Variants in NRG3 observed in about 807,000 individuals in gnomAD.
NRG3 encodes pro-neuregulin-3, membrane-bound isoform.
Under a neutral mutation model 66.9 loss-of-function variants are expected in NRG3, and 31 were observed. The observed-to-expected ratio is 0.46, with a 90% CI of 0.35 to 0.63. NRG3 has a LOEUF of 0.63. NRG3 is among the 20% of genes least tolerant of loss of function. The probability of loss-of-function intolerance (pLI) is 0.00; values close to 1 mark genes in which losing one functional copy is unlikely to be tolerated. For missense variants in NRG3, 910 were observed against 878.9 expected (o/e 1.04, Z -0.45); for synonymous variants, 393 against 359.4 (o/e 1.09, Z -1.06).
At chr10:81,920,131 A>G (rs1250932310) in intron 1 of NRG3, among the ~76,000 whole-genome samples, 2 of 152,140 alleles carry the variant, frequency 1.3e-5, no homozygotes, top group Admixed American at 1.3e-4. Flanking sequence ...GGATGACACT[A>G]TGAGAAAGGG....
chr10:82,345,025 C>G (rs2082918449), intron 1 of NRG3, among the ~76,000 whole-genome samples: 1 of 116,522 alleles, frequency 8.6e-6, no homozygotes, highest in South Asian at 2.4e-4. Flanking sequence ...CCTGTTCACT[C>G]TGATGGTAGT....
intron 4 of NRG3, among the ~76,000 whole-genome samples, chr10:82,936,997 A>G (rs1254146618): frequency 2.6e-5 from 4 of 152,180 alleles, no homozygotes; most frequent in African/African-American, 4.8e-5. Context: ...AAAAGAGATT[A>G]TATATTTATT....
chr10:82,015,382 T>C (rs926839914), intron 1 of NRG3, among the ~76,000 whole-genome samples: 4 of 152,138 alleles, frequency 2.6e-5, no homozygotes, highest in African/African-American at 9.7e-5. Flanking sequence ...AATAATACTG[T>C]TTGCAATCAA....
intron 1 of NRG3, among the ~76,000 whole-genome samples, chr10:82,349,939 C>T (rs1278695818): frequency 6.6e-6 from 1 of 152,184 alleles, no homozygotes; most frequent in Non-Finnish European, 1.5e-5. Context: ...ACGGTGCGCG[C>T]ACCCACTGAC....
intron 1 of NRG3, among the ~76,000 whole-genome samples, chr10:82,034,925 C>A (rs986665484): frequency 1.3e-5 from 2 of 152,074 alleles, no homozygotes; most frequent in African/African-American, 2.4e-5. Flanking sequence ...TTCTATACTT[C>A]TTTTCTCAGA....
intron 3 of NRG3, among the ~76,000 whole-genome samples, chr10:82,748,059 T>C (rs776075063): frequency 1.3e-5 from 2 of 151,128 alleles, no homozygotes; most frequent in Non-Finnish European, 3.0e-5. Flanking sequence ...ATTAATTATA[T>C]AATATATAAT....
At chr10:82,961,820 C>T (rs1255348510) in intron 6 of NRG3, among the ~76,000 whole-genome samples, 1 of 152,154 alleles carries the variant, frequency 6.6e-6, no homozygotes, top group Admixed American at 6.5e-5. Flanking sequence ...AAGCTTCCCA[C>T]CGCAGGCATT....
intron 1 of NRG3, among the ~76,000 whole-genome samples, chr10:82,021,592 A>C (rs1351947061): frequency 6.6e-6 from 1 of 152,110 alleles, no homozygotes; most frequent in Non-Finnish European, 1.5e-5. Context: ...GTCTCACTTC[A>C]AATATAACTT....
chr10:82,260,868 A>G lies in NRG3; in HGVS notation c.824-97871A>G, dbSNP rs928955400. Reference sequence around the variant, plus strand: ...AAGGAGTTCTGTGAAGCAAGTGAGCAGAGAGGTCTGGAGTTGATAGGCTTG... The same window carrying G: ...AAGGAGTTCTGTGAAGCAAGTGAGCGGAGAGGTCTGGAGTTGATAGGCTTG... On this transcript the variant is annotated intron_variant, in intron 1 of 8. Transcript: ENST00000372141. Among the ~76,000 whole-genome samples the G allele has an allele frequency of 2.6e-5, 4 of 152,182 alleles. No individual in the cohort carries two copies. The East Asian group carries it at 7.7e-4, about 29-fold the overall frequency.
In NRG3 at chr10:82,802,464, G is replaced by A. The variant is rs1434392787; in HGVS notation, c.1028-62947G>A. Among the ~76,000 whole-genome samples, 3 of 152,228 alleles carry A rather than the reference G, an allele frequency of 2.0e-5. No homozygotes were observed. In the East Asian group the frequency reaches 5.8e-4, roughly 29 times the overall value. ...AGCTCAGGTTTAATGGACTAAAACT[G>A]AGAAACTAAAAATTACAGCAACTGC... On this transcript the variant is annotated intron_variant, in intron 3 of 8. Transcript: ENST00000372141.
chr10:82,272,146 G>C (rs894281042), intron 1 of NRG3, among the ~76,000 whole-genome samples: 5 of 151,974 alleles, frequency 3.3e-5, no homozygotes, highest in Non-Finnish European at 1.5e-5. Context: ...GTAGGGTTTG[G>C]GTAATCATTT....
At chr10:82,552,162 C>T (rs1363853823) in intron 2 of NRG3, among the ~76,000 whole-genome samples, 1 of 152,026 alleles carries the variant, frequency 6.6e-6, no homozygotes, top group Non-Finnish European at 1.5e-5. Flanking sequence ...ATTCAAAATC[C>T]ATATTTTTTT....
intron 1 of NRG3, among the ~76,000 whole-genome samples, chr10:81,938,786 CA>C (rs1449990378): frequency 6.6e-6 from 1 of 151,972 alleles, no homozygotes; most frequent in African/African-American, 2.4e-5. Context: ...TTAGGACTTC[CA>C]GTACTATGCT....
intron 2 of NRG3, among the ~76,000 whole-genome samples, chr10:82,504,561 C>T (rs1229590205): frequency 6.6e-6 from 1 of 152,140 alleles, no homozygotes; most frequent in Admixed American, 6.5e-5. Context: ...CCAGTGCTTC[C>T]CACCAGTGTA....
At position 82,782,688 on chromosome 10, in the gene NRG3, A is replaced by T. The variant is rs369203886; in HGVS notation, c.1027+44038A>T. ...TGGAGTGTTAAGGGCAATTCTGGTG[A>T]GGGCTTAGAAAAAGACAAGAACTTT... is the stretch of plus-strand genomic sequence containing the variant. On this transcript the variant is annotated intron_variant, in intron 3 of 8. Coordinates refer to ENST00000372141, the MANE Select transcript of NRG3 (RefSeq NM_001010848.4). 2.0e-5 allele frequency among the ~76,000 whole-genome samples: 3 copies of T among 152,094 alleles called. No individual in the cohort carries two copies. In the East Asian group the frequency reaches 5.8e-4, roughly 29 times the overall value.
rs138481456 is a variant in NRG3 at position 81,933,889 on chromosome 10, G to T, written c.823+57726G>T. 6.4e-3 allele frequency among the ~76,000 whole-genome samples: 978 copies of T among 152,178 alleles called. 32 individuals are homozygous for T. Among genetic ancestry groups the T allele is most frequent in the Admixed American group, 0.058 (880 of 15,294 alleles). ...TGAATTATGTTATTCTACAATAATGGCATGGTGAAGATGGTTAAAAGTAGT... is the reference window on the plus strand; with the variant it reads ...TGAATTATGTTATTCTACAATAATGTCATGGTGAAGATGGTTAAAAGTAGT... On this transcript the variant is annotated intron_variant, in intron 1 of 8. Coordinates refer to ENST00000372141, the MANE Select transcript of NRG3 (RefSeq NM_001010848.4).
chr10:82,563,498 AT>A (rs1336662611), intron 2 of NRG3, among the ~76,000 whole-genome samples: 4 of 151,910 alleles, frequency 2.6e-5, no homozygotes, highest in Non-Finnish European at 5.9e-5. Flanking sequence ...ATTTTTTCTA[AT>A]TTTTTATACC....
chr10:82,156,242 TA>T (rs2071173968), intron 1 of NRG3, among the ~76,000 whole-genome samples: 1 of 150,692 alleles, frequency 6.6e-6, no homozygotes, highest in Admixed American at 6.6e-5. Context: ...AGATTGATTA[TA>T]ACATTTTCAT....
chr10:82,894,678 A>T (rs1843478332), intron 4 of NRG3, among the ~76,000 whole-genome samples: 1 of 152,118 alleles, frequency 6.6e-6, no homozygotes, highest in Admixed American at 6.5e-5. Context: ...TATTCCCGAG[A>T]ACCCTTACCC....
Sources: allele counts gnomAD v4.1 joint callset (sites outside exome capture counted in the v4.1 genomes callset), GRCh38; gene constraint gnomAD v4.1.1; transcripts MANE v1.5; gene names NCBI Gene and HGNC (gene_info 2026-07-23, HGNC 2026-07-21).